The following PCLO variants were observed in gnomAD, a reference collection of about 807,000 sequenced individuals.
PCLO encodes the protein piccolo presynaptic cytomatrix protein.
Under a neutral mutation model 427.5 loss-of-function variants are expected in PCLO, and 82 were observed. The ratio of observed to expected loss-of-function variants is 0.19; its 90% CI spans 0.16 to 0.23. The LOEUF (loss-of-function observed/expected upper bound fraction) is 0.23. Among genes scored for constraint, PCLO ranks in the 10% least tolerant of loss-of-function variants. PCLO has a pLI of 1.00. For synonymous variants in PCLO, 2,357 were observed against 2,155.4 expected (o/e 1.09, Z -2.59); for missense variants, 6,239 against 6,115.9 (o/e 1.02, Z -0.67).
In PCLO at chr7:83,121,198, A is replaced by G. The variant is rs1791268899; in HGVS notation, c.3300+13052T>C. ...CACAGTATAAAAAGATATAAATAGAAACAATAAGTTAAAAACTGGGGAGGG... is the reference window on the plus strand; with the variant it reads ...CACAGTATAAAAAGATATAAATAGAGACAATAAGTTAAAAACTGGGGAGGG... On this transcript the variant is annotated intron_variant, in intron 3 of 24. Transcript: ENST00000333891. 5.9e-5 allele frequency among the ~76,000 whole-genome samples: 9 copies of G among 152,168 alleles called. No homozygotes were observed. The South Asian group carries it at 1.7e-3, about 28-fold the overall frequency.
Position 82,952,333 on chromosome 7 carries a change from C to T in PCLO, c.8620G>A (p.Val2874Met). 6.2e-7 allele frequency: 1 copy of T among 1,613,970 alleles called. No individual in the cohort carries two copies. Among genetic ancestry groups the T allele is most frequent in the Non-Finnish European group, 8.5e-7 (1 of 1,179,862 alleles). ...VTLAITKPVT[V>M]PPVGVTNGWT... ...CCATTTGTGACACCAACAGGAGGCA[C>T]AGTGACAGGTTTTGTAATAGCCAAT... Residue 2874 changes from valine to methionine, a missense_variant, in exon 5 of 25, where the codon GTG becomes ATG. Physicochemically the swap from Val to Met is conservative, Grantham distance 21 (BLOSUM62 1). Transcript: ENST00000333891.
At chr7:82,909,035 C>T in intron 7 of PCLO, 22 bp from the exon 8 acceptor site, 1 of 1,611,024 alleles carries the variant, frequency 6.2e-7, no homozygotes, top group Non-Finnish European at 8.5e-7. Context: ...AAGGAAACAT[C>T]ATACATTGCA....
At chr7:83,080,085 T>C (rs1369367024) in intron 3 of PCLO, among the ~76,000 whole-genome samples, 2 of 152,194 alleles carry the variant, frequency 1.3e-5, no homozygotes, top group African/African-American at 2.4e-5. Context: ...TATTCCATGG[T>C]GTATATGTAA....
intron 16 of PCLO, 51 bp from the exon 17 acceptor site, chr7:82,828,017 G>C (rs1226148066): frequency 1.0e-6 from 1 of 1,001,156 alleles, no homozygotes; most frequent in African/African-American, 1.6e-5. Context: ...CTTAGTTTAT[G>C]ACTTCACAGT....
At position 82,954,612 on chromosome 7, in the gene PCLO, G is replaced by A. The variant is rs756325339; in HGVS notation, c.6341C>T (p.Ala2114Val). The A allele has an allele frequency of 1.8e-5, 29 of 1,613,738 alleles. No individual in the cohort carries two copies. The highest frequency in any genetic ancestry group is 2.3e-5 in the Non-Finnish European group (27 of 1,179,838). ...ASLTSSVLSG[A>V]SLTDSTSSAT... ...ACTGCTGGTCGAATCTGTAAGAGAC[G>A]CTCCTGAGAGAACACTTGATGTCAA... The change falls in exon 5 of 25, where the codon GCG (alanine) becomes GTG (valine). Residue 2114 changes from alanine (A) to valine (V), a missense_variant. By Grantham distance (64) the Ala-to-Val change is moderately conservative. Transcript: ENST00000333891.
At chr7:83,147,840 C>G (rs1055815536) in intron 2 of PCLO, among the ~76,000 whole-genome samples, 1 of 152,134 alleles carries the variant, frequency 6.6e-6, no homozygotes, top group African/African-American at 2.4e-5. Context: ...GCCTTCCTCT[C>G]TGGAATCAAT....
chr7:83,160,142 C>T (rs908011458), intron 1 of PCLO, among the ~76,000 whole-genome samples: 2 of 152,116 alleles, frequency 1.3e-5, no homozygotes, highest in Admixed American at 1.3e-4. Flanking sequence ...CAAACAAAAA[C>T]ATTCATCTCA....
intron 3 of PCLO, among the ~76,000 whole-genome samples, chr7:83,004,971 A>T (rs1016458430): frequency 3.3e-5 from 5 of 151,620 alleles, no homozygotes; most frequent in Non-Finnish European, 7.4e-5. Context: ...AAACACAATG[A>T]TATATCACCT....
intron 3 of PCLO, among the ~76,000 whole-genome samples, chr7:82,993,663 T>C (rs1190830920): frequency 1.3e-5 from 2 of 152,192 alleles, no homozygotes; most frequent in South Asian, 2.1e-4. Flanking sequence ...TACAGTATAG[T>C]GTAAACATAA....
At chr7:82,994,945 G>A (rs1796462592) in intron 3 of PCLO, among the ~76,000 whole-genome samples, 1 of 152,096 alleles carries the variant, frequency 6.6e-6, no homozygotes, top group Non-Finnish European at 1.5e-5. Context: ...TTGGATTTCT[G>A]GGTGGATTAC....
intron 3 of PCLO, among the ~76,000 whole-genome samples, chr7:83,093,492 A>ATATATATTTTTTTTTTTT: frequency 1.0e-4 from 6 of 59,320 alleles, no homozygotes; most frequent in East Asian, 1.1e-3. Flanking sequence ...ATATATATAT[A>ATATATATTTTTTTTTTTT]TTTTTTTTTT....
rs1470697292 is a variant in PCLO, at chr7:83,134,569, A to G, written c.2981T>C (p.Ile994Thr). 6.2e-7 allele frequency: 1 copy of G among 1,613,706 alleles called. No individual in the cohort carries two copies. The highest frequency in any genetic ancestry group is 8.5e-7 in the Non-Finnish European group (1 of 1,179,860). ...GQAPPAPAKS[I>T]PVKKETKAPA... ...GGCTTTTGTTTCCTTTTTCACAGGT[A>G]TACTTTTTGCAGGTGCTGGTGGTGC... The change falls in exon 3 of 25, where the codon ATA (isoleucine) becomes ACA (threonine). Residue 994 changes from isoleucine (I) to threonine (T), a missense_variant. Ile to Thr is a moderately conservative substitution (Grantham distance 89, BLOSUM62 -1). Coordinates refer to ENST00000333891, the MANE Select transcript of PCLO (RefSeq NM_033026.6).
At chr7:82,849,070 CAAATT>C (rs140334338) in intron 10 of PCLO, 5,188 of 169,076 alleles carry the variant, frequency 0.031, 113 homozygotes, top group South Asian at 0.048. Context: ...TGAATTCAAT[CAAATT>C]AAAGTTATTA....
At chr7:83,132,347 G>A (rs1791595903) in intron 3 of PCLO, among the ~76,000 whole-genome samples, 1 of 152,098 alleles carries the variant, frequency 6.6e-6, no homozygotes, top group Admixed American at 6.5e-5. Flanking sequence ...TTTGAAGTAT[G>A]ACCTCATCTA....
At chr7:83,091,862 G>T (rs974937893) in intron 3 of PCLO, among the ~76,000 whole-genome samples, 1 of 152,058 alleles carries the variant, frequency 6.6e-6, no homozygotes, top group African/African-American at 2.4e-5. Context: ...AATGCCTCTG[G>T]TTTAGTGAAT....
chr7:83,099,928 G>A (rs1466760436), intron 3 of PCLO, among the ~76,000 whole-genome samples: 1 of 151,998 alleles, frequency 6.6e-6, no homozygotes, highest in Non-Finnish European at 1.5e-5. Context: ...TTATAAGAAA[G>A]CATACTATTT....
intron 10 of PCLO, among the ~76,000 whole-genome samples, chr7:82,859,356 C>T (rs35907991): frequency 0.17 from 26,008 of 152,150 alleles, 2,599 homozygotes; most frequent in Middle Eastern, 0.22. Context: ...ATGTTGCCCA[C>T]AGGGGTGCTT....
At chr7:82,986,594 T>C (rs908292295) in intron 3 of PCLO, among the ~76,000 whole-genome samples, 8 of 151,962 alleles carry the variant, frequency 5.3e-5, no homozygotes, top group African/African-American at 1.4e-4. Context: ...GATCTAATTC[T>C]GGCATTGTTC....
rs1463191942 is a variant in PCLO, at chr7:82,915,809, T to C, written c.12177A>G (p.Thr4059=). 2 of 1,613,376 alleles carry C rather than the reference T, an allele frequency of 1.2e-6. No homozygotes were observed. Among genetic ancestry groups the C allele is most frequent in the East Asian group, 2.2e-5 (1 of 44,724 alleles). The change falls in exon 7 of 25, where the codon ACA becomes ACG. Residue 4059 remains threonine, a synonymous_variant. Coordinates refer to ENST00000333891, the MANE Select transcript of PCLO (RefSeq NM_033026.6). ...GGCTAAATGCGGTGCTTAATGCCGC[T>C]GTTCCTTTGGTGATCTCTCCAATGT... The part of the protein sequence containing the change: ...IDDIGEITKG[T]AALSTAFSLH...
Sources: gnomAD v4.1 joint callset for allele counts (sites outside exome capture counted in the v4.1 genomes callset) on GRCh38, gnomAD v4.1.1 for gene constraint, MANE v1.5 for transcripts, NCBI Gene and HGNC (gene_info 2026-07-23, HGNC 2026-07-21) for gene names.